CELF2: variants seen among roughly 807,000 people sequenced by gnomAD.
CELF2 encodes the protein CUGBP Elav-like family member 2, also known as CUG triplet repeat RNA-binding protein 2.
A neutral mutation model predicts 62.6 loss-of-function variants in CELF2; 8 were observed. That is an observed-to-expected ratio of 0.13 (90% CI 0.07 to 0.23). The LOEUF is 0.23. Ranked by LOEUF, CELF2 falls within the 10% of genes least tolerant of loss-of-function variation. CELF2 has a pLI of 1.00. For missense variants in CELF2, 333 were observed against 671.0 expected (o/e 0.50, Z 5.56); for synonymous variants, 258 against 250.0 (o/e 1.03, Z -0.30).
the CELF2 span, among the ~76,000 whole-genome samples, chr10:10,553,038 C>A: frequency 6.6e-6 from 1 of 152,074 alleles, no homozygotes; most frequent in Non-Finnish European, 1.5e-5. Flanking sequence ...TGTTCTCATG[C>A]TGCTAATAAA....
At chr10:11,091,605 G>A (rs1434825005) in intron 1 of CELF2, among the ~76,000 whole-genome samples, 6 of 152,204 alleles carry the variant, frequency 3.9e-5, no homozygotes, top group Admixed American at 3.3e-4. Context: ...GTTCTCTGCT[G>A]ATTGACAGCA....
intron 8 of CELF2, among the ~76,000 whole-genome samples, chr10:11,287,678 A>G (rs1228792862): frequency 5.3e-5 from 8 of 152,218 alleles, no homozygotes; most frequent in Non-Finnish European, 8.8e-5. Context: ...TGAACTCCCT[A>G]TGGACACATT....
chr10:10,633,277 A>G, the CELF2 span, among the ~76,000 whole-genome samples: 2 of 152,156 alleles, frequency 1.3e-5, no homozygotes, highest in African/African-American at 4.8e-5. Context: ...CCCCACAAAG[A>G]TTTCATCAGT....
In CELF2 at chr10:11,312,065, C is replaced by T. The variant is rs76123833; in HGVS notation, c.977-2074C>T. Among the ~76,000 whole-genome samples the T allele has an allele frequency of 4.3e-3, 659 of 152,274 alleles. 9 individuals are homozygous for T. Among genetic ancestry groups the T allele is most frequent in the East Asian group, 0.038 (197 of 5,182 alleles). On this transcript the variant is annotated intron_variant, in intron 9 of 12. Transcript: ENST00000633077. ...ATCTTTAAAACAGAGAGAAAAACCA[C>T]TGTCCAAGAAACACAAACATCTCAG...
chr10:10,540,834 C>G, the CELF2 span, among the ~76,000 whole-genome samples: 2 of 152,146 alleles, frequency 1.3e-5, no homozygotes, highest in Non-Finnish European at 2.9e-5. Context: ...CTCATACATT[C>G]TCCACAACTG....
At chr10:11,179,398 C>G (rs1048942738) in intron 2 of CELF2, among the ~76,000 whole-genome samples, 4 of 152,194 alleles carry the variant, frequency 2.6e-5, no homozygotes, top group Admixed American at 1.3e-4. Context: ...GTTTACATCG[C>G]TTGCTGAAGG....
intron 1 of CELF2, among the ~76,000 whole-genome samples, chr10:11,134,138 C>T (rs893018895): frequency 6.6e-5 from 10 of 152,178 alleles, no homozygotes; most frequent in Admixed American, 1.3e-4. Flanking sequence ...CCTTCCCTTC[C>T]TTGTGCCTGA....
At chr10:10,547,523 T>C in the CELF2 span, among the ~76,000 whole-genome samples, 2 of 151,892 alleles carry the variant, frequency 1.3e-5, no homozygotes, top group Non-Finnish European at 2.9e-5. Flanking sequence ...TTAAGGTGTA[T>C]TTAATCATTC....
chr10:10,983,384 T>C lies in CELF2; in HGVS notation c.89+63385T>C, dbSNP rs989796355. Among the ~76,000 whole-genome samples, 2 of 152,202 alleles carry C rather than the reference T, an allele frequency of 1.3e-5. No homozygotes were observed. The highest frequency in any genetic ancestry group is 4.8e-5 in the African/African-American group (2 of 41,434). The stretch of plus-strand genomic sequence containing the variant: ...ATCTTCCCTAACCTGTTTACTTGAT[T>C]GAATTGATTAGGGACTATTAAAAAA... On this transcript the variant is annotated intron_variant, in intron 2 of 13. Transcript: ENST00000636488. The surrounding 1 kb of genome is among the most constrained non-coding windows in gnomAD (Gnocchi z 5.2).
the CELF2 span, among the ~76,000 whole-genome samples, chr10:10,470,305 A>G: frequency 6.6e-6 from 1 of 151,802 alleles, no homozygotes; most frequent in South Asian, 2.1e-4. Context: ...TATTAGTTTT[A>G]CACTTCTGCC....
At chr10:11,276,848 G>A (rs958051638) in intron 8 of CELF2, among the ~76,000 whole-genome samples, 13 of 152,256 alleles carry the variant, frequency 8.5e-5, no homozygotes, top group Admixed American at 2.0e-4. Flanking sequence ...GCCCCTGCAC[G>A]CTCTGCGTGC....
chr10:10,693,927 A>G, the CELF2 span, among the ~76,000 whole-genome samples: 495 of 150,490 alleles, frequency 3.3e-3, 3 homozygotes, highest in African/African-American at 0.011. Flanking sequence ...TCTTGCTAGC[A>G]ATCTACCTAT....
At position 11,010,175 on chromosome 10, in the gene CELF2, A is replaced by T. The variant is rs938702069; in HGVS notation, c.53+4735A>T. On this transcript the variant is annotated intron_variant, in intron 1 of 12. Coordinates refer to the CELF2 transcript ENST00000416382. This position sits in a 1 kb window ranked among gnomAD's most constrained non-coding sequence, Gnocchi z 4.1. ...AGAAGGCTGACCTGCTCATTTGGAGATGCCTTTAAGGTATCATGTCTGTAA... is the reference window on the plus strand; with the variant it reads ...AGAAGGCTGACCTGCTCATTTGGAGTTGCCTTTAAGGTATCATGTCTGTAA... 2.0e-5 allele frequency: 3 copies of T among 152,126 alleles called. No homozygotes were observed. Among genetic ancestry groups the T allele is most frequent in the Non-Finnish European group, 4.4e-5 (3 of 68,020 alleles). 9.4% of individuals were successfully genotyped at this position (152,126 alleles called of 1,614,324 possible). A position where few individuals can be genotyped will look rare whatever the true frequency, so the allele number is the denominator to read the frequency against.
At chr10:11,092,936 C>T (rs1490539306) in intron 1 of CELF2, among the ~76,000 whole-genome samples, 1 of 152,192 alleles carries the variant, frequency 6.6e-6, no homozygotes, top group African/African-American at 2.4e-5. Flanking sequence ...ATTTGCAGCT[C>T]AACTTTTCTT....
At chr10:10,617,763 A>G in the CELF2 span, among the ~76,000 whole-genome samples, 1 of 152,270 alleles carries the variant, frequency 6.6e-6, no homozygotes, top group Non-Finnish European at 1.5e-5. Context: ...AAGGGAAGCC[A>G]GAGACAACCA....
intron 1 of CELF2, among the ~76,000 whole-genome samples, chr10:10,892,055 T>C (rs2062184537): frequency 6.6e-6 from 1 of 152,152 alleles, no homozygotes; most frequent in South Asian, 2.1e-4. Context: ...GCACAAGCAA[T>C]GATATGCAAA....
the CELF2 span, among the ~76,000 whole-genome samples, chr10:10,477,794 T>C: frequency 6.7e-6 from 1 of 150,074 alleles, no homozygotes; most frequent in African/African-American, 2.5e-5. Flanking sequence ...AAGGTCATCA[T>C]CTGGCCCTTT....
At chr10:11,118,091 G>T (rs2056956922) in intron 1 of CELF2, among the ~76,000 whole-genome samples, 1 of 152,018 alleles carries the variant, frequency 6.6e-6, no homozygotes, top group Admixed American at 6.5e-5. Context: ...TAGTTTTGCA[G>T]AAGTATAAGC....
At chr10:10,650,724 T>C in the CELF2 span, among the ~76,000 whole-genome samples, 1 of 152,240 alleles carries the variant, frequency 6.6e-6, no homozygotes, top group African/African-American at 2.4e-5. Flanking sequence ...ATACATTGCT[T>C]ACTAAAAATA....
Sources: allele counts gnomAD v4.1 joint callset (sites outside exome capture counted in the v4.1 genomes callset), GRCh38; gene constraint gnomAD v4.1.1; non-coding constraint Gnocchi (gnomAD v3.1); transcripts MANE v1.5; gene names NCBI Gene and HGNC (gene_info 2026-07-23, HGNC 2026-07-21).